Variants in COL25A1 observed in about 807,000 individuals in gnomAD.
COL25A1 encodes the protein collagen type XXV alpha 1 chain.
In COL25A1, 103 loss-of-function variants were observed where a neutral mutation model predicts 128.4. The ratio of observed to expected loss-of-function variants is 0.80; its 90% CI spans 0.68 to 0.94. COL25A1 has a LOEUF of 0.94. Among genes scored for constraint, COL25A1 ranks in the 40% least tolerant of loss-of-function variants. COL25A1 has a pLI of 0.00. For synonymous variants in COL25A1, 279 were observed against 277.2 expected (o/e 1.01, Z -0.06); for missense variants, 745 against 840.0 (o/e 0.89, Z 1.40).
intron 3 of COL25A1, among the ~76,000 whole-genome samples, chr4:109,137,854 T>C (rs1411305727): frequency 1.1e-4 from 16 of 152,144 alleles, no homozygotes. Flanking sequence ...TAAAGTATCC[T>C]ACATGCATCT....
At chr4:109,185,646 G>A (rs1026336069) in intron 3 of COL25A1, among the ~76,000 whole-genome samples, 4 of 152,210 alleles carry the variant, frequency 2.6e-5, no homozygotes, top group African/African-American at 4.8e-5. Flanking sequence ...CAGTGTGGCT[G>A]TATTTGGAGA....
intron 3 of COL25A1, among the ~76,000 whole-genome samples, chr4:109,172,361 G>A (rs1203003270): frequency 6.6e-6 from 1 of 152,144 alleles, no homozygotes; most frequent in Non-Finnish European, 1.5e-5. Flanking sequence ...TATTTGTCAA[G>A]AAGAGAATCC....
intron 8 of COL25A1, chr4:108,942,143 T>C (rs928586940): frequency 5.3e-6 from 8 of 1,496,892 alleles, no homozygotes; most frequent in Non-Finnish European, 6.4e-6. Flanking sequence ...GCCAATTGAA[T>C]GGTTCCTGCT....
rs544808675 is a variant in COL25A1 at position 109,222,457 on chromosome 4, C to T, written c.367+78126G>A. Among the ~76,000 whole-genome samples, 255 of 152,224 alleles carry T rather than the reference C, an allele frequency of 1.7e-3. 1 individual carries two copies. Among genetic ancestry groups the T allele is most frequent in the Non-Finnish European group, 2.9e-3 (199 of 68,018 alleles). Reference sequence around the variant, plus strand: ...TCAGAGAAACTTGCTAAACTAAAAGCTCAACTCTATAGTCTTTTAGGCCCC... The same window carrying T: ...TCAGAGAAACTTGCTAAACTAAAAGTTCAACTCTATAGTCTTTTAGGCCCC... On this transcript the variant is annotated intron_variant, in intron 3 of 37. Transcript: ENST00000399132.
intron 3 of COL25A1, among the ~76,000 whole-genome samples, chr4:109,191,070 T>C (rs1775566173): frequency 1.3e-5 from 2 of 152,220 alleles, no homozygotes; most frequent in Admixed American, 1.3e-4. Flanking sequence ...TCCTGCAAGG[T>C]TGCTAATACA....
At chr4:108,965,547 T>C (rs1751198366) in intron 8 of COL25A1, among the ~76,000 whole-genome samples, 1 of 152,242 alleles carries the variant, frequency 6.6e-6, no homozygotes, top group African/African-American at 2.4e-5. Flanking sequence ...ACAGCTTTGC[T>C]TATTTTTAAG....
intron 3 of COL25A1, among the ~76,000 whole-genome samples, chr4:109,050,511 A>G (rs1436099591): frequency 6.6e-6 from 1 of 152,148 alleles, no homozygotes; most frequent in Non-Finnish European, 1.5e-5. Context: ...TTTCTAAGAA[A>G]TATTTCTTTT....
At position 109,108,103 on chromosome 4, in the gene COL25A1, A is replaced by C. The variant is rs529178181; in HGVS notation, c.368-57924T>G. Among the ~76,000 whole-genome samples, 110 of 152,306 alleles carry C rather than the reference A, an allele frequency of 7.2e-4. 1 individual carries two copies. The highest frequency in any genetic ancestry group is 3.4e-3 in the Middle Eastern group (1 of 294). On this transcript the variant is annotated intron_variant, in intron 3 of 37. Coordinates refer to ENST00000399132, the MANE Select transcript of COL25A1 (RefSeq NM_198721.4). ...GTGCAGGTTTGTTACATATGTATAC[A>C]TGTGCCATGTTGGTGTGCTGCACCC... is the stretch of plus-strand genomic sequence containing the variant.
chr4:109,129,500 ATATAT>A (rs1341334886), intron 3 of COL25A1, among the ~76,000 whole-genome samples: 2 of 152,190 alleles, frequency 1.3e-5, no homozygotes, highest in African/African-American at 2.4e-5. Flanking sequence ...CAAATCTAAC[ATATAT>A]TATAAAGTAA....
chr4:109,242,560 C>T (rs1779966735), intron 3 of COL25A1, among the ~76,000 whole-genome samples: 2 of 152,068 alleles, frequency 1.3e-5, no homozygotes, highest in African/African-American at 4.8e-5. Flanking sequence ...CCATAAGTCA[C>T]ATACTATTCC....
chr4:109,274,107 T>A (rs1311012315), intron 3 of COL25A1, among the ~76,000 whole-genome samples: 1 of 152,174 alleles, frequency 6.6e-6, no homozygotes, highest in Non-Finnish European at 1.5e-5. Context: ...AAATCAATCT[T>A]GGATGGTGTC....
At chr4:109,118,918 T>C (rs575955106) in intron 3 of COL25A1, among the ~76,000 whole-genome samples, 1 of 152,076 alleles carries the variant, frequency 6.6e-6, no homozygotes, top group Admixed American at 6.6e-5. Context: ...GACTACACAT[T>C]CTTCTCAATT....
At chr4:108,885,346 G>A (rs1740651608) in intron 18 of COL25A1, among the ~76,000 whole-genome samples, 1 of 151,560 alleles carries the variant, frequency 6.6e-6, no homozygotes, top group African/African-American at 2.4e-5. Flanking sequence ...GAGACTGCTT[G>A]TTAAGCTGTG....
At position 108,889,285 on chromosome 4, in the gene COL25A1, C is replaced by T. The variant is rs761745361; in HGVS notation, c.940-29G>A. 91 of 1,612,790 alleles carry T rather than the reference C, an allele frequency of 5.6e-5. 2 individuals carry two copies. In the East Asian group the frequency reaches 2.0e-3, roughly 35 times the overall value. On this transcript the variant is annotated intron_variant, in intron 17 of 37. Transcript: ENST00000399132. The stretch of plus-strand genomic sequence containing the variant: ...GCCAAAGAAAACCAAAGATGAAAAA[C>T]ACAGTCTTAAAAGAATTTTCTAAAA...
At chr4:109,060,854 T>A (rs1375634842) in intron 3 of COL25A1, among the ~76,000 whole-genome samples, 2 of 152,156 alleles carry the variant, frequency 1.3e-5, no homozygotes, top group Non-Finnish European at 2.9e-5. Context: ...TCATCAGTAT[T>A]TTTTCTTGAA....
At chr4:108,916,264 G>A (rs1015416032) in intron 13 of COL25A1, among the ~76,000 whole-genome samples, 8 of 152,102 alleles carry the variant, frequency 5.3e-5, no homozygotes, top group Non-Finnish European at 1.2e-4. Context: ...GGGTTTTACA[G>A]AAAACACTTC....
intron 13 of COL25A1, among the ~76,000 whole-genome samples, chr4:108,909,583 A>T (rs1280482391): frequency 2.0e-5 from 3 of 152,262 alleles, no homozygotes; most frequent in Non-Finnish European, 4.4e-5. Flanking sequence ...TTAGATTTTC[A>T]TATTGTTCAT....
Position 108,824,234 on chromosome 4 carries a change from G to C in COL25A1, c.1792-7C>G, listed in dbSNP as rs781064203. ...CCCGTGGACCAGGGAAGCCCTGTAA[G>C]ATAAAAAGCAAACCAAAAAGATCTA... On this transcript the variant is annotated splice_polypyrimidine_tract_variant and splice_region_variant and intron_variant, in intron 34 of 37. Transcript: ENST00000399132. 5 of 1,597,836 alleles carry C rather than the reference G, an allele frequency of 3.1e-6. No homozygotes were observed. In the Admixed American group the frequency reaches 8.8e-5, roughly 28 times the overall value.
intron 3 of COL25A1, among the ~76,000 whole-genome samples, chr4:109,070,197 G>A (rs1182628178): frequency 6.6e-6 from 1 of 151,378 alleles, no homozygotes; most frequent in Non-Finnish European, 1.5e-5. Context: ...GTTGGAGGCT[G>A]CAGAGAGTCG....
Sources: gnomAD v4.1 joint callset for allele counts (sites outside exome capture counted in the v4.1 genomes callset) on GRCh38, gnomAD v4.1.1 for gene constraint, MANE v1.5 for transcripts, NCBI Gene and HGNC (gene_info 2026-07-23, HGNC 2026-07-21) for gene names.